Variants in MIER2 observed in about 807,000 individuals in gnomAD.
MIER2 encodes mesoderm induction early response protein 2.
In MIER2, 30 loss-of-function variants were observed where a neutral mutation model predicts 67.6. The ratio of observed to expected loss-of-function variants is 0.44; its 90% CI spans 0.33 to 0.60. The LOEUF is 0.60. Among genes scored for constraint, MIER2 ranks in the 20% least tolerant of loss-of-function variants. The probability of loss-of-function intolerance (pLI) is 0.02; values close to 1 mark genes in which losing one functional copy is unlikely to be tolerated. For missense variants in MIER2, 702 were observed against 745.1 expected (o/e 0.94, Z 0.67); for synonymous variants, 372 against 312.6 (o/e 1.19, Z -2.00).
rs781727558 is a variant in MIER2 at position 334,381 on chromosome 19, G to C, written c.243+19C>G. On this transcript the variant is annotated intron_variant, in intron 3 of 13. Coordinates refer to ENST00000264819, the MANE Select transcript of MIER2 (RefSeq NM_017550.3). Reference sequence around the variant, plus strand: ...AGGGCTCCACCCAACACAGGGGCAGGATCACCTTGGCCAAGTACCTGGGAG... The same window carrying C: ...AGGGCTCCACCCAACACAGGGGCAGCATCACCTTGGCCAAGTACCTGGGAG... The C allele has an allele frequency of 5.0e-6, 8 of 1,613,672 alleles. No homozygotes were observed. In the South Asian group the frequency reaches 8.8e-5, roughly 18 times the overall value.
At position 306,728 on chromosome 19, in the gene MIER2, A is replaced by G. The variant is rs780090477; in HGVS notation, c.1617-17T>C. On this transcript the variant is annotated splice_polypyrimidine_tract_variant and intron_variant, in intron 13 of 13. Coordinates refer to ENST00000264819, the MANE Select transcript of MIER2 (RefSeq NM_017550.3). ...ACGTTACAGCTGCAGGGGAGAGACC[A>G]AGAGAGACGCAGAGAGTGTCAGTGC... 3.7e-5 allele frequency: 58 copies of G among 1,558,690 alleles called. No homozygotes were observed. Among genetic ancestry groups the G allele is most frequent in the South Asian group, 4.7e-5 (4 of 84,434 alleles).
At chr19:336,726 T>TA (rs754909723) in intron 1 of MIER2, among the ~76,000 whole-genome samples, 1 of 152,308 alleles carries the variant, frequency 6.6e-6, no homozygotes, top group African/African-American at 2.4e-5. Flanking sequence ...GTGAATACAC[T>TA]AAAAATCAAT....
chr19:315,567 C>T (rs564889653), intron 7 of MIER2, among the ~76,000 whole-genome samples: 1 of 152,308 alleles, frequency 6.6e-6, no homozygotes, highest in South Asian at 2.1e-4. Flanking sequence ...TAATACAATA[C>T]CCGAATGGAC....
chr19:306,984 T>G, intron 13 of MIER2, 135 bp downstream of exon 13: 1 of 1,104,280 alleles, frequency 9.1e-7, no homozygotes, highest in Admixed American at 2.7e-5. Flanking sequence ...AAAGACACAC[T>G]GAGAGCCTGC....
At chr19:341,948 G>C (rs1482427633) in intron 1 of MIER2, among the ~76,000 whole-genome samples, 2 of 152,086 alleles carry the variant, frequency 1.3e-5, no homozygotes, top group African/African-American at 4.8e-5. Flanking sequence ...GCCCCCACAG[G>C]TATAGAGTGC....
At chr19:307,025 G>C (rs2145313438) in intron 13 of MIER2, 94 bp downstream of exon 13, 1 of 1,414,126 alleles carries the variant, frequency 7.1e-7, no homozygotes, top group East Asian at 2.5e-5. Context: ...CGGGTCCTTG[G>C]GGCAAATGCC....
chr19:308,452 C>T lies in MIER2; in HGVS notation c.1198+125G>A, dbSNP rs552608900. 9.5e-5 allele frequency: 96 copies of T among 1,009,272 alleles called. No homozygotes were observed. The African/African-American group carries it at 1.2e-3, about 13-fold the overall frequency. 62.5% of individuals were successfully genotyped at this position (1,009,272 alleles called of 1,614,324 possible). A position where few individuals can be genotyped will look rare whatever the true frequency, so the allele number is the denominator to read the frequency against. On this transcript the variant is annotated intron_variant, in intron 12 of 13. Transcript: ENST00000264819. This position sits in a 1 kb window ranked among gnomAD's most constrained non-coding sequence, Gnocchi z 9.1. ...ACGTGGCTGCCCTCCGCCACCCAGACGCCCACTCCTCCTGGCGAGGCTGGC... is the reference window on the plus strand; with the variant it reads ...ACGTGGCTGCCCTCCGCCACCCAGATGCCCACTCCTCCTGGCGAGGCTGGC...
intron 1 of MIER2, chr19:344,279 T>G (rs943465632): frequency 2.0e-4 from 197 of 984,872 alleles, no homozygotes; most frequent in Non-Finnish European, 2.3e-4. Context: ...GCCGGGGGGC[T>G]CGCGGGCGGC....
chr19:315,321 C>T (rs1007801164), intron 7 of MIER2, among the ~76,000 whole-genome samples: 3 of 152,174 alleles, frequency 2.0e-5, no homozygotes, highest in South Asian at 2.1e-4. Context: ...GCCAAGATCG[C>T]GCCACTGCAC....
At chr19:322,154 C>T (rs1197066542) in intron 7 of MIER2, among the ~76,000 whole-genome samples, 1 of 152,162 alleles carries the variant, frequency 6.6e-6, no homozygotes, top group Non-Finnish European at 1.5e-5. Flanking sequence ...ATCCTCCCAC[C>T]TCGGCCTCCC....
chr19:334,173 AAGAT>A, intron 3 of MIER2: 1 of 323,158 alleles, frequency 3.1e-6, no homozygotes, highest in Middle Eastern at 6.8e-4. Flanking sequence ...CTGAGACCAG[AAGAT>A]TTGAGAGCAG....
At chr19:311,474 C>G (rs1970996756) in intron 10 of MIER2, among the ~76,000 whole-genome samples, 1 of 152,142 alleles carries the variant, frequency 6.6e-6, no homozygotes, top group Admixed American at 6.5e-5. Context: ...CCCCTGGTCT[C>G]CAGGTGTCAG....
intron 1 of MIER2, among the ~76,000 whole-genome samples, chr19:336,849 CTCTT>C (rs1972280065): frequency 6.6e-6 from 1 of 152,064 alleles, no homozygotes; most frequent in African/African-American, 2.4e-5. Context: ...TTCAATATCT[CTCTT>C]TTTTTTTGAG....
chr19:339,719 G>A (rs1427423413), intron 1 of MIER2, among the ~76,000 whole-genome samples: 1 of 152,070 alleles, frequency 6.6e-6, no homozygotes, highest in East Asian at 1.9e-4. Flanking sequence ...AGACACAAAA[G>A]GCCACGTGTC....
intron 12 of MIER2, 102 bp from the exon 13 acceptor site, chr19:307,638 C>T (rs1368123312): frequency 1.6e-6 from 2 of 1,251,052 alleles, no homozygotes; most frequent in Admixed American, 3.1e-5. Flanking sequence ...CTGTGGATCC[C>T]TCCCCAGAAA....
rs118023330 is a variant in MIER2, at chr19:306,269, C to T, written c.*421G>A. 57 of 214,766 alleles carry T rather than the reference C, an allele frequency of 2.7e-4. No individual in the cohort carries two copies. The highest frequency in any genetic ancestry group is 2.5e-3 in the East Asian group (19 of 7,666). The allele number at this position is 214,766 out of a possible 1,614,324, so 13.3% of individuals were successfully genotyped here. ...GCCAAGCAGGGAGCTGAGGGCGCCC[C>T]GGCGGAGGCTGCTGGTGCGGGGCAG... On this transcript the variant is annotated 3_prime_UTR_variant, in exon 14 of 14. Coordinates refer to ENST00000264819, the MANE Select transcript of MIER2 (RefSeq NM_017550.3).
chr19:319,055 CAAA>C (rs71171975), intron 7 of MIER2, among the ~76,000 whole-genome samples: 1 of 129,720 alleles, frequency 7.7e-6, no homozygotes. Context: ...GACTCTGTCT[CAAA>C]AAAAAAAAAA....
In MIER2 at chr19:327,022, T is replaced by A. The variant is rs1971785066; in HGVS notation, c.493+111A>T. 3.5e-6 allele frequency: 5 copies of A among 1,425,514 alleles called. No individual in the cohort carries two copies. The Admixed American group carries it at 7.6e-5, about 22-fold the overall frequency. 88.3% of individuals were successfully genotyped at this position (1,425,514 alleles called of 1,614,324 possible). A position where few individuals can be genotyped will look rare whatever the true frequency, so the allele number is the denominator to read the frequency against. On this transcript the variant is annotated intron_variant, in intron 5 of 13. Transcript: ENST00000264819. ...GACGCTTCCCGCCAGGCAGACGCCC[T>A]CATCTGTGATGAGTTCTTGGCCTGC...
intron 10 of MIER2, among the ~76,000 whole-genome samples, chr19:310,726 C>T (rs12104342): frequency 0.034 from 4,357 of 127,026 alleles, 143 homozygotes; most frequent in African/African-American, 0.089. Context: ...GAACATGGCC[C>T]GGAGCTGTAG....
Sources: gnomAD v4.1 joint callset for allele counts (sites outside exome capture counted in the v4.1 genomes callset) on GRCh38, gnomAD v4.1.1 for gene constraint, Gnocchi (gnomAD v3.1) non-coding constraint, MANE v1.5 for transcripts, NCBI Gene and HGNC (gene_info 2026-07-23, HGNC 2026-07-21) for gene names.